Variants in TMTC1 observed in about 807,000 individuals in gnomAD.
The protein encoded by TMTC1 is transmembrane O-mannosyltransferase targeting cadherins 1.
Under a neutral mutation model 104.8 loss-of-function variants are expected in TMTC1, and 73 were observed. The observed-to-expected ratio is 0.70, with a 90% CI of 0.58 to 0.85. The LOEUF (loss-of-function observed/expected upper bound fraction) is 0.85, where lower values mean the gene tolerates loss of function less well. Ranked by LOEUF, TMTC1 falls within the 40% of genes least tolerant of loss-of-function variation. The pLI is 0.00. For missense variants in TMTC1, 1,035 were observed against 1,096.1 expected (o/e 0.94, Z 0.79); for synonymous variants, 434 against 428.7 (o/e 1.01, Z -0.15).
chr12:29,688,377 A>G (rs951857859), intron 5 of TMTC1, among the ~76,000 whole-genome samples: 6 of 152,240 alleles, frequency 3.9e-5, no homozygotes, highest in Admixed American at 2.0e-4. Flanking sequence ...CTTTGCTGCC[A>G]TTGTGATTCT....
rs1943624676 is a variant in TMTC1, at chr12:29,502,873, G to A, written c.*3973C>T. On this transcript the variant is annotated 3_prime_UTR_variant, in exon 18 of 18. Transcript: ENST00000539277. ...CGAAGATTCCGAAAGGTCCTCAGGTGATTCCAAAGTGCAGCCCGTGTTGAG... is the reference window on the plus strand; with the variant it reads ...CGAAGATTCCGAAAGGTCCTCAGGTAATTCCAAAGTGCAGCCCGTGTTGAG... The A allele has an allele frequency of 6.6e-6, 1 of 152,202 alleles. No individual in the cohort carries two copies. The highest frequency in any genetic ancestry group is 2.4e-5 in the African/African-American group (1 of 41,448). 9.4% of individuals were successfully genotyped at this position (152,202 alleles called of 1,614,324 possible).
rs1943638012 is a variant in TMTC1 at position 29,503,538 on chromosome 12, AAAAGG to A, written c.*3303_*3307del. On this transcript the variant is annotated 3_prime_UTR_variant, in exon 18 of 18. Transcript: ENST00000539277. ...AGGAGAACTGATTCTAGGCACAAAA[AAAAGG>A]AGAGGTTAGATGGACTGGAAAAAGA... 1 of 152,234 alleles carries A rather than the reference AAAAGG, an allele frequency of 6.6e-6. No individual in the cohort carries two copies. Among genetic ancestry groups the A allele is most frequent in the East Asian group, 1.9e-4 (1 of 5,194 alleles). The allele number at this position is 152,234 out of a possible 1,614,324, so 9.4% of individuals were successfully genotyped here.
At chr12:29,638,789 C>G (rs1348476520) in intron 5 of TMTC1, among the ~76,000 whole-genome samples, 1 of 152,212 alleles carries the variant, frequency 6.6e-6, no homozygotes, top group Non-Finnish European at 1.5e-5. Context: ...ATCACACACC[C>G]TGCCAGGGGG....
intron 5 of TMTC1, among the ~76,000 whole-genome samples, chr12:29,746,945 T>C (rs187320864): frequency 7.9e-5 from 12 of 152,300 alleles, no homozygotes; most frequent in African/African-American, 2.6e-4. Flanking sequence ...CCAAAAATAG[T>C]GCCTGACACA....
At chr12:29,641,912 A>G (rs1938871403) in intron 5 of TMTC1, among the ~76,000 whole-genome samples, 1 of 152,224 alleles carries the variant, frequency 6.6e-6, no homozygotes, top group African/African-American at 2.4e-5. Context: ...AAACTTCAGG[A>G]AACTTTGGAT....
chr12:29,613,831 C>A, intron 6 of TMTC1: 1 of 507,680 alleles, frequency 2.0e-6, no homozygotes, highest in Non-Finnish European at 2.5e-6. Flanking sequence ...GCAAAGTCTT[C>A]CAAAGCAGGA....
At chr12:29,536,451 A>C in intron 10 of TMTC1, 134 bp from the exon 11 acceptor site, 1 of 634,130 alleles carries the variant, frequency 1.6e-6, no homozygotes, top group South Asian at 1.9e-5. Flanking sequence ...TTGCAAATGA[A>C]TTAAACTACA....
chr12:29,556,801 G>T, intron 10 of TMTC1, 56 bp downstream of exon 10: 1 of 1,607,422 alleles, frequency 6.2e-7, no homozygotes, highest in South Asian at 1.1e-5. Flanking sequence ...TGTTGAGAAG[G>T]AAAGAGTTTC....
At chr12:29,627,057 C>T (rs10843451) in intron 6 of TMTC1, among the ~76,000 whole-genome samples, 81,954 of 151,826 alleles carry the variant, frequency 0.54, 23,110 homozygotes, top group East Asian at 0.79. Flanking sequence ...GCCGAGATTG[C>T]GCCATTGCAC....
chr12:29,517,504 G>T lies in TMTC1; in HGVS notation c.2092C>A (p.Arg698=), dbSNP rs1217822717. 1.9e-6 allele frequency: 3 copies of T among 1,613,922 alleles called. No homozygotes were observed. Among genetic ancestry groups the T allele is most frequent in the South Asian group, 1.1e-5 (1 of 91,078 alleles). The change falls in exon 14 of 18, where the codon CGA becomes AGA. Residue 698 remains arginine (R), a synonymous_variant. Coordinates refer to ENST00000539277, the MANE Select transcript of TMTC1 (RefSeq NM_001193451.2). ...TAAATCTGCAAAGCCTCTTCGTATCGGCCAGTGTTGTAATACAGTGCTCCC... is the reference window on the plus strand; with the variant it reads ...TAAATCTGCAAAGCCTCTTCGTATCTGCCAGTGTTGTAATACAGTGCTCCC... ...PLGALYYNTG[R]YEEALQIYQE...
intron 6 of TMTC1, among the ~76,000 whole-genome samples, chr12:29,630,205 C>G (rs139368153): frequency 7.0e-4 from 106 of 152,194 alleles, no homozygotes; most frequent in African/African-American, 2.5e-3. Flanking sequence ...TGAAGAAATA[C>G]CCAAGACTAG....
At chr12:29,751,096 G>A (rs1418829610) in intron 5 of TMTC1, among the ~76,000 whole-genome samples, 1 of 152,170 alleles carries the variant, frequency 6.6e-6, no homozygotes, top group Non-Finnish European at 1.5e-5. Context: ...ACTTGTCTGT[G>A]GCCTGAAACA....
intron 10 of TMTC1, among the ~76,000 whole-genome samples, chr12:29,539,632 A>G (rs987528325): frequency 6.6e-6 from 1 of 152,186 alleles, no homozygotes; most frequent in Non-Finnish European, 1.5e-5. Flanking sequence ...AGAACCTAAC[A>G]ATGACCTACT....
intron 5 of TMTC1, among the ~76,000 whole-genome samples, chr12:29,743,750 C>T (rs1438977690): frequency 2.0e-5 from 3 of 152,160 alleles, no homozygotes; most frequent in African/African-American, 7.2e-5. Context: ...TGAACTGATA[C>T]AGCTTTTATT....
intron 6 of TMTC1, among the ~76,000 whole-genome samples, chr12:29,625,648 G>C (rs1006664185): frequency 1.3e-5 from 2 of 152,180 alleles, no homozygotes; most frequent in Non-Finnish European, 1.5e-5. Context: ...GAAAGAAAAG[G>C]ATCAACAGCC....
At chr12:29,539,294 A>T (rs1284939034) in intron 10 of TMTC1, among the ~76,000 whole-genome samples, 1 of 152,192 alleles carries the variant, frequency 6.6e-6, no homozygotes, top group Admixed American at 6.5e-5. Context: ...CGTTTCTCTG[A>T]TAATTATCCC....
intron 16 of TMTC1, 29 bp downstream of exon 16, chr12:29,514,453 G>T: frequency 1.3e-6 from 2 of 1,589,666 alleles, no homozygotes; most frequent in South Asian, 2.3e-5. Context: ...CTGTGAATTT[G>T]ATGATATAAT....
intron 10 of TMTC1, among the ~76,000 whole-genome samples, chr12:29,541,358 T>C (rs1944791627): frequency 6.6e-6 from 1 of 152,208 alleles, no homozygotes; most frequent in Non-Finnish European, 1.5e-5. Flanking sequence ...TCACTCTACA[T>C]CTACCACTTA....
At chr12:29,525,354 T>A (rs1944311769) in intron 11 of TMTC1, among the ~76,000 whole-genome samples, 1 of 151,590 alleles carries the variant, frequency 6.6e-6, no homozygotes, top group South Asian at 2.1e-4. Context: ...AGTGGCTAAT[T>A]TTTGTATTTT....
Sources: allele counts gnomAD v4.1 joint callset (sites outside exome capture counted in the v4.1 genomes callset), GRCh38; gene constraint gnomAD v4.1.1; transcripts MANE v1.5; gene names NCBI Gene and HGNC (gene_info 2026-07-23, HGNC 2026-07-21).